Variants in PACRG observed in about 807,000 individuals in gnomAD.
PACRG encodes the protein parkin coregulated.
A neutral mutation model predicts 29.7 loss-of-function variants in PACRG; 29 were observed. That is an observed-to-expected ratio of 0.98 (90% CI 0.73 to 1.33). The LOEUF (loss-of-function observed/expected upper bound fraction) is 1.33. Among genes scored for constraint, PACRG ranks in the 40% most tolerant of loss-of-function variants. The pLI, the probability that PACRG is intolerant of heterozygous loss-of-function variation, is 0.00. For missense variants in PACRG, 279 were observed against 316.2 expected (o/e 0.88, Z 0.89); for synonymous variants, 116 against 118.7 (o/e 0.98, Z 0.15).
chr6:163,071,317 CA>C (rs1261585257), intron 3 of PACRG, among the ~76,000 whole-genome samples: 3 of 151,926 alleles, frequency 2.0e-5, no homozygotes, highest in Admixed American at 6.5e-5. Context: ...TTAAAACATT[CA>C]AAAAAATTCA....
intron 2 of PACRG, among the ~76,000 whole-genome samples, chr6:162,910,698 T>G (rs1015146981): frequency 4.6e-5 from 7 of 152,186 alleles, no homozygotes; most frequent in Admixed American, 3.9e-4. Flanking sequence ...TTGTTCAGGA[T>G]GTAGTTAAAT....
intron 2 of PACRG, among the ~76,000 whole-genome samples, chr6:163,037,647 G>T (rs1808326516): frequency 6.6e-6 from 1 of 152,182 alleles, no homozygotes; most frequent in South Asian, 2.1e-4. Context: ...AGTACAGCAG[G>T]GAACAACTAT....
intron 4 of PACRG, among the ~76,000 whole-genome samples, chr6:163,092,902 GACCCAT>G: frequency 6.6e-6 from 1 of 152,352 alleles, no homozygotes. Flanking sequence ...TGTTGTGTGT[GACCCAT>G]AGCGCTCTCT....
At chr6:163,022,309 T>C (rs530298560) in intron 2 of PACRG, among the ~76,000 whole-genome samples, 50 of 152,342 alleles carry the variant, frequency 3.3e-4, no homozygotes, top group African/African-American at 1.2e-3. Flanking sequence ...AAACACATGA[T>C]GTAATAATTG....
chr6:163,057,655 T>C (rs961213795), intron 2 of PACRG, among the ~76,000 whole-genome samples: 4 of 152,198 alleles, frequency 2.6e-5, no homozygotes, highest in African/African-American at 7.2e-5. Flanking sequence ...TTGTCTTTGC[T>C]GGAACTTTTA....
intron 4 of PACRG, among the ~76,000 whole-genome samples, chr6:163,216,991 T>C (rs921903784): frequency 9.9e-5 from 15 of 152,196 alleles, no homozygotes; most frequent in African/African-American, 3.6e-4. Flanking sequence ...ACATTCTCCA[T>C]GAGGAACTTT....
intron 4 of PACRG, among the ~76,000 whole-genome samples, chr6:163,185,641 A>T (rs1272252373): frequency 2.0e-5 from 3 of 152,210 alleles, no homozygotes; most frequent in Non-Finnish European, 4.4e-5. Context: ...ATGCTGGAGG[A>T]AATCGCGGCA....
intron 2 of PACRG, among the ~76,000 whole-genome samples, chr6:162,958,884 T>TATATATATAGAG (rs1562779944): frequency 1.4e-4 from 3 of 21,154 alleles, no homozygotes; most frequent in Non-Finnish European, 2.8e-4. Flanking sequence ...TATATATATA[T>TATATATATAGAG]AGAGAGAGAG....
intron 2 of PACRG, among the ~76,000 whole-genome samples, chr6:162,962,307 G>A (rs1313997082): frequency 6.6e-6 from 1 of 152,150 alleles, no homozygotes; most frequent in Non-Finnish European, 1.5e-5. Flanking sequence ...GTGACTAACA[G>A]TTATTAGCAT....
At chr6:162,815,006 A>G (rs1787212474) in intron 2 of PACRG, among the ~76,000 whole-genome samples, 1 of 152,228 alleles carries the variant, frequency 6.6e-6, no homozygotes, top group South Asian at 2.1e-4. Context: ...TTTACATTTA[A>G]TCTGAGAAAA....
At chr6:162,969,755 A>T (rs1280923884) in intron 2 of PACRG, among the ~76,000 whole-genome samples, 2 of 152,170 alleles carry the variant, frequency 1.3e-5, no homozygotes, top group East Asian at 3.9e-4. Context: ...TATCTTCAAG[A>T]CGTTCTACTT....
chr6:162,736,448 G>A (rs572656465), intron 1 of PACRG, among the ~76,000 whole-genome samples: 4 of 152,202 alleles, frequency 2.6e-5, no homozygotes, highest in East Asian at 1.9e-4. Context: ...AGATAGCTGC[G>A]TTTTTGTAGT....
At chr6:163,196,631 G>A (rs1350799861) in intron 4 of PACRG, among the ~76,000 whole-genome samples, 1 of 152,226 alleles carries the variant, frequency 6.6e-6, no homozygotes, top group Non-Finnish European at 1.5e-5. Flanking sequence ...AGACTTCAGT[G>A]ATGGTTTCTT....
At chr6:163,062,743 C>A (rs564382317) in intron 3 of PACRG, among the ~76,000 whole-genome samples, 2 of 152,284 alleles carry the variant, frequency 1.3e-5, no homozygotes, top group East Asian at 3.9e-4. Flanking sequence ...GGAAGCCCAG[C>A]TGCATAGGTG....
intron 4 of PACRG, chr6:163,245,210 G>T: frequency 3.8e-6 from 1 of 260,890 alleles, no homozygotes; most frequent in South Asian, 4.1e-5. Flanking sequence ...TTTAGTAATA[G>T]TTTATTATGG....
At chr6:162,842,602 A>G (rs1473966615) in intron 2 of PACRG, among the ~76,000 whole-genome samples, 4 of 130,212 alleles carry the variant, frequency 3.1e-5, no homozygotes, top group Non-Finnish European at 3.2e-5. Context: ...TTACATTTAA[A>G]GTTAATATTG....
chr6:162,747,248 G>A (rs903034905), intron 1 of PACRG, among the ~76,000 whole-genome samples: 1 of 146,366 alleles, frequency 6.8e-6, no homozygotes, highest in East Asian at 2.1e-4. Flanking sequence ...TTTCTCCCAT[G>A]CTGGATGCTT....
At chr6:162,945,338 A>C (rs185147950) in intron 2 of PACRG, among the ~76,000 whole-genome samples, 1,718 of 152,230 alleles carry the variant, frequency 0.011, 17 homozygotes, top group Non-Finnish European at 0.019. Flanking sequence ...AATGGAAACC[A>C]AAAACGGGCA....
At chr6:162,881,199 G>A (rs1453227674) in intron 2 of PACRG, among the ~76,000 whole-genome samples, 1 of 152,104 alleles carries the variant, frequency 6.6e-6, no homozygotes, top group South Asian at 2.1e-4. Flanking sequence ...AAACGACCTG[G>A]CAGTTTTGGC....
Sources: allele counts gnomAD v4.1 joint callset (sites outside exome capture counted in the v4.1 genomes callset), GRCh38; gene constraint gnomAD v4.1.1; transcripts MANE v1.5; gene names NCBI Gene and HGNC (gene_info 2026-07-23, HGNC 2026-07-21).